The following DYSF variants were observed in gnomAD, a reference collection of about 807,000 sequenced individuals.
DYSF encodes dystrophy-associated fer-1-like 1.
In DYSF, 212 loss-of-function variants were observed where a neutral mutation model predicts 274.9. The ratio of observed to expected loss-of-function variants is 0.77; its 90% CI spans 0.69 to 0.86. The LOEUF (loss-of-function observed/expected upper bound fraction) is 0.86, where lower values mean the gene tolerates loss of function less well. DYSF is among the 40% of genes least tolerant of loss of function. The pLI is 0.00. For synonymous variants in DYSF, 1,091 were observed against 1,078.7 expected, an observed-to-expected ratio of 1.01 and a Z score of -0.22; for missense variants, 2,666 against 2,783.2, an observed-to-expected ratio of 0.96 and a Z score of 0.95.
In DYSF at chr2:71,568,187, A is replaced by G; in HGVS notation, c.2713A>G (p.Lys905Glu). 1 of 1,614,220 alleles carries G rather than the reference A, an allele frequency of 6.2e-7. No homozygotes were observed. Among genetic ancestry groups the G allele is most frequent in the Non-Finnish European group, 8.5e-7 (1 of 1,180,044 alleles). ...GGCCCTCCAGTATGAGAACGAGACT[A>G]AGTTGGCCCTTGTTGGGAACTGGGG... ...VFAETYENET[K>E]LALVGNWGTT... The change falls in exon 26 of 56, where the codon AAG (lysine) becomes GAG (glutamate). Residue 905 changes from lysine to glutamate, a missense_variant. Lys to Glu is a moderately conservative substitution (Grantham distance 56, BLOSUM62 1). Transcript: ENST00000410020.
intron 29 of DYSF, chr2:71,571,052 A>ACCCAGCGCATG (rs2092397037): frequency 8.7e-5 from 38 of 434,568 alleles, no homozygotes; most frequent in African/African-American, 6.9e-4. Flanking sequence ...CCCAGCACAC[A>ACCCAGCGCATG]CACAGATCAC....
At chr2:71,654,036 A>G (rs2094720718) in intron 42 of DYSF, among the ~76,000 whole-genome samples, 1 of 152,226 alleles carries the variant, frequency 6.6e-6, no homozygotes, top group South Asian at 2.1e-4. Context: ...TCCTTTATAT[A>G]CCAAGAAGTC....
At chr2:71,598,285 C>T (rs1043933437) in intron 32 of DYSF, among the ~76,000 whole-genome samples, 1 of 152,240 alleles carries the variant, frequency 6.6e-6, no homozygotes, top group Non-Finnish European at 1.5e-5. Context: ...CTGCTTCCAG[C>T]AGCCACAGCT....
chr2:71,644,119 A>C, intron 42 of DYSF, 56 bp downstream of exon 42: 1 of 1,391,560 alleles, frequency 7.2e-7, no homozygotes, highest in Non-Finnish European at 1.0e-6. Context: ...GGGCAGTGGG[A>C]GACACAACAG....
chr2:71,569,900 A>G lies in DYSF; in HGVS notation c.2945A>G (p.Gln982Arg). 6.2e-7 allele frequency: 1 copy of G among 1,614,122 alleles called. No individual in the cohort carries two copies. Among genetic ancestry groups the G allele is most frequent in the South Asian group, 1.1e-5 (1 of 91,054 alleles). ...AACCAGACCCGGCTTCCCGGAGGCC[A>G]GTGGATCTACATGAGTGACAACTAC... ...FENQTRLPGGQWIYMSDNYTD... is the reference protein window; with the variant it reads ...FENQTRLPGGRWIYMSDNYTD... The change falls in exon 27 of 56, where the codon CAG becomes CGG. Residue 982 changes from glutamine (Q) to arginine (R), a missense_variant. Physicochemically the swap from Gln to Arg is conservative, Grantham distance 43. Around this residue, in one of 3 missense-constraint regions of DYSF, gnomAD observed 412 missense variants for 504.0 expected, o/e 0.82. Coordinates refer to ENST00000410020, the MANE Select transcript of DYSF (RefSeq NM_001130987.2).
chr2:71,535,210 G>T (rs1024268174), intron 15 of DYSF, 58 bp from the exon 16 acceptor site: 1 of 1,600,958 alleles, frequency 6.2e-7, no homozygotes, highest in Non-Finnish European at 8.6e-7. Context: ...GGGGTAGGGA[G>T]GGGCTGTTCT....
chr2:71,682,583 T>G lies in DYSF; in HGVS notation c.6227T>G (p.Phe2076Cys). Residue 2076 changes from phenylalanine (F) to cysteine (C), a missense_variant, in exon 55 of 56, where the codon TTC becomes TGC. Physicochemically the swap from Phe to Cys is radical, Grantham distance 205. Coordinates refer to ENST00000410020, the MANE Select transcript of DYSF (RefSeq NM_001130987.2). ...WFTSPYKTMK[F>C]ILWRRFRWAI... is the part of the protein sequence containing the mutation. ...ACCTCCCCATACAAGACCATGAAGT[T>G]CATCCTGTGGCGGCGTTTCCGGTGG... 1 of 1,614,060 alleles carries G rather than the reference T, an allele frequency of 6.2e-7. No individual in the cohort carries two copies. Among genetic ancestry groups the G allele is most frequent in the South Asian group, 1.1e-5 (1 of 91,050 alleles).
chr2:71,662,436 ATG>A (rs951681416), intron 45 of DYSF, among the ~76,000 whole-genome samples: 27 of 151,310 alleles, frequency 1.8e-4, no homozygotes, highest in African/African-American at 6.1e-4. Context: ...GTGTGTATGT[ATG>A]TGTGTGTATG....
At chr2:71,633,745 G>C (rs1300299251) in intron 41 of DYSF, among the ~76,000 whole-genome samples, 1 of 152,042 alleles carries the variant, frequency 6.6e-6, no homozygotes, top group Non-Finnish European at 1.5e-5. Flanking sequence ...AGTGACCCAA[G>C]GTTTAACGTT....
intron 41 of DYSF, among the ~76,000 whole-genome samples, chr2:71,637,187 G>T (rs533878308): frequency 6.6e-6 from 1 of 152,348 alleles, no homozygotes; most frequent in African/African-American, 2.4e-5. Flanking sequence ...TGGTGCCTAT[G>T]TGTGAAGGCT....
At chr2:71,642,430 G>A (rs2152923252) in intron 41 of DYSF, among the ~76,000 whole-genome samples, 1 of 152,316 alleles carries the variant, frequency 6.6e-6, no homozygotes, top group Middle Eastern at 3.4e-3. Context: ...CTGTATATGT[G>A]TGTCACCCAT....
Position 71,611,508 on chromosome 2 carries a change from C to T in DYSF, c.4103C>T (p.Ala1368Val). 2 of 1,614,158 alleles carry T rather than the reference C, an allele frequency of 1.2e-6. No homozygotes were observed. Among genetic ancestry groups the T allele is most frequent in the Non-Finnish European group, 1.7e-6 (2 of 1,180,034 alleles). Residue 1368 changes from alanine to valine, a missense_variant, in exon 38 of 56, where the codon GCC becomes GTC. This residue lies in a region of DYSF where 1,460 missense variants were observed against 1,502.1 expected (regional missense o/e 0.97). Transcript: ENST00000410020. ...CGGAACATGAAGAGTTACCAGCTGGCCAACATCTCCTCCCCCAGCCTCGTG... is the reference window on the plus strand; with the variant it reads ...CGGAACATGAAGAGTTACCAGCTGGTCAACATCTCCTCCCCCAGCCTCGTG... Reference protein sequence around the residue: ...GLRNMKSYQLANISSPSLVVE... With the variant: ...GLRNMKSYQLVNISSPSLVVE...
At chr2:71,481,695 T>TATCCATCCATCCATCCATCC (rs56102566) in intron 2 of DYSF, among the ~76,000 whole-genome samples, 184 bp from the exon 3 acceptor site, 9 of 124,456 alleles carry the variant, frequency 7.2e-5, no homozygotes, top group African/African-American at 2.5e-4. Context: ...GGTCTTCATC[T>TATCCATCCATCCATCCATCC]ATCCATCCAT....
intron 1 of DYSF, among the ~76,000 whole-genome samples, chr2:71,478,264 T>G (rs1283733949): frequency 6.7e-6 from 1 of 150,170 alleles, no homozygotes; most frequent in Non-Finnish European, 1.5e-5. Flanking sequence ...CAGGCTGGAG[T>G]GCAGTGGTGC....
At chr2:71,564,274 A>G (rs1559168655) in intron 24 of DYSF, 61 bp downstream of exon 24, 2 of 1,602,650 alleles carry the variant, frequency 1.2e-6, no homozygotes, top group Non-Finnish European at 8.5e-7. Context: ...CCTTTCTCCC[A>G]TCTCTTCTGT....
rs935682316 is a variant in DYSF, at chr2:71,659,110, C to G, written c.4911+77C>G. 8.2e-6 allele frequency: 13 copies of G among 1,590,524 alleles called. No homozygotes were observed. The Admixed American group carries it at 1.2e-4, about 14-fold the overall frequency. On this transcript the variant is annotated intron_variant, in intron 44 of 55. Coordinates refer to ENST00000410020, the MANE Select transcript of DYSF (RefSeq NM_001130987.2). ...GTGGCCTATAGAACCTGGACACAAA[C>G]TCTGCCTCAGGGAGTTCATAGTAGG...
intron 36 of DYSF, among the ~76,000 whole-genome samples, chr2:71,604,357 C>T (rs1259971118): frequency 6.6e-6 from 1 of 151,740 alleles, no homozygotes; most frequent in African/African-American, 2.4e-5. Context: ...TAAGTAGGAC[C>T]GCAGCAGGGT....
At chr2:71,582,646 C>A (rs2092933333) in intron 30 of DYSF, among the ~76,000 whole-genome samples, 2 of 152,270 alleles carry the variant, frequency 1.3e-5, no homozygotes, top group Admixed American at 6.5e-5. Context: ...CAATGTTTAA[C>A]AACCAGGTCT....
At chr2:71,510,257 C>G (rs573794620) in intron 4 of DYSF, among the ~76,000 whole-genome samples, 307 of 152,302 alleles carry the variant, frequency 2.0e-3, no homozygotes, top group African/African-American at 7.1e-3. Context: ...GTTAAAAGTG[C>G]AAATACCCAG....
Sources: allele counts gnomAD v4.1 joint callset (sites outside exome capture counted in the v4.1 genomes callset), GRCh38; gene constraint gnomAD v4.1.1; regional missense constraint gnomAD v4.1.1; transcripts MANE v1.5; gene names NCBI Gene and HGNC (gene_info 2026-07-23, HGNC 2026-07-21).